The following WDR7 variants were observed in gnomAD, a reference collection of about 807,000 sequenced individuals.
WDR7 encodes the protein WD repeat domain 7.
A neutral mutation model predicts 169.4 loss-of-function variants in WDR7; 46 were observed. That is an observed-to-expected ratio of 0.27 (90% CI 0.21 to 0.35). WDR7 has a LOEUF of 0.35. WDR7 is among the 10% of genes least tolerant of loss of function. The pLI is 1.00. For missense variants in WDR7, 1,534 were observed against 1,859.3 expected (o/e 0.83, Z 3.22); for synonymous variants, 612 against 666.8 (o/e 0.92, Z 1.27).
intron 26 of WDR7, among the ~76,000 whole-genome samples, chr18:56,978,604 C>G (rs1169346369): frequency 6.6e-6 from 1 of 152,176 alleles, no homozygotes; most frequent in East Asian, 1.9e-4. Context: ...TTTCCTTTAT[C>G]TGATGATGTA....
intron 26 of WDR7, among the ~76,000 whole-genome samples, chr18:56,967,476 A>G (rs1216693077): frequency 1.3e-5 from 2 of 152,128 alleles, no homozygotes; most frequent in Non-Finnish European, 2.9e-5. Flanking sequence ...CTTGCTAAGC[A>G]GATGAATTAG....
rs533264881 is a variant in WDR7 at position 56,949,094 on chromosome 18, G to A, written c.4064+9701G>A. Among the ~76,000 whole-genome samples, 102 of 151,612 alleles carry A rather than the reference G, an allele frequency of 6.7e-4. 1 individual carries two copies. Among genetic ancestry groups the A allele is most frequent in the African/African-American group, 2.4e-3 (97 of 41,232 alleles). ...ACCTCTCCCACTCTCTTCATCTACT[G>A]GAATCTGATTTTTGCCCCCACTGGT... is the stretch of plus-strand genomic sequence containing the variant. On this transcript the variant is annotated intron_variant, in intron 25 of 27. Coordinates refer to ENST00000254442, the MANE Select transcript of WDR7 (RefSeq NM_015285.3).
At chr18:56,995,556 C>T (rs1268231820) in intron 26 of WDR7, among the ~76,000 whole-genome samples, 1 of 152,104 alleles carries the variant, frequency 6.6e-6, no homozygotes, top group Non-Finnish European at 1.5e-5. Context: ...TTCATAATCG[C>T]CTATTTTTGA....
At chr18:56,806,732 A>G (rs888371090) in intron 19 of WDR7, among the ~76,000 whole-genome samples, 1 of 152,168 alleles carries the variant, frequency 6.6e-6, no homozygotes, top group Non-Finnish European at 1.5e-5. Flanking sequence ...TTTGGAAGCT[A>G]AGGGTATGTC....
chr18:56,851,772 A>C (rs1276465871), intron 20 of WDR7, among the ~76,000 whole-genome samples: 4 of 152,206 alleles, frequency 2.6e-5, no homozygotes, highest in Admixed American at 2.0e-4. Context: ...AAGAATCACC[A>C]ATGTGGTCTT....
At chr18:56,823,579 C>T (rs1039418454) in intron 20 of WDR7, among the ~76,000 whole-genome samples, 5 of 152,128 alleles carry the variant, frequency 3.3e-5, no homozygotes, top group African/African-American at 4.8e-5. Context: ...GAGCAAGACT[C>T]CGTCTCTCAA....
rs1268304603 is a variant in WDR7, at chr18:56,757,071, G to A, written c.2478G>A (p.Met826Ile). Reference protein sequence around the residue: ...LDEVCLDRLGMLKPHCTVSFG... With the variant: ...LDEVCLDRLGILKPHCTVSFG... The stretch of plus-strand genomic sequence containing the variant: ...AAGTTTGCCTGGATCGCCTTGGAAT[G>A]CTGAAACCCCACTGCACCGTATCGT... The change falls in exon 15 of 28, where the codon ATG becomes ATA. Residue 826 changes from methionine to isoleucine, a missense_variant. Met to Ile is a conservative substitution (Grantham distance 10). Transcript: ENST00000254442. 3.7e-6 allele frequency: 6 copies of A among 1,614,170 alleles called. No individual in the cohort carries two copies. In the East Asian group the frequency reaches 1.1e-4, roughly 30 times the overall value.
rs1338392239 is a variant in WDR7 at position 56,935,910 on chromosome 18, G to A, written c.3831+5G>A. The A allele has an allele frequency of 1.2e-6, 2 of 1,611,220 alleles. No homozygotes were observed. The highest frequency in any genetic ancestry group is 1.7e-6 in the Non-Finnish European group (2 of 1,178,316). On this transcript the variant is annotated splice_donor_5th_base_variant and intron_variant, in intron 23 of 27. Coordinates refer to ENST00000254442, the MANE Select transcript of WDR7 (RefSeq NM_015285.3). The stretch of plus-strand genomic sequence containing the variant: ...ATCACCACCATAGCCAAAGAGGTGA[G>A]CGGAACTTCTCAGTGTGCTCCATCT...
chr18:56,797,041 C>A (rs2044596726), intron 19 of WDR7, among the ~76,000 whole-genome samples: 3 of 152,176 alleles, frequency 2.0e-5, no homozygotes, highest in Admixed American at 6.5e-5. Flanking sequence ...TTCTTTCCCT[C>A]CCTGAGGCAC....
intron 20 of WDR7, among the ~76,000 whole-genome samples, chr18:56,855,458 TCTTC>T (rs1409812259): frequency 4.6e-5 from 7 of 152,194 alleles, no homozygotes; most frequent in African/African-American, 1.4e-4. Context: ...CTTAAGAAAT[TCTTC>T]CTTATGCCAT....
chr18:56,924,234 CA>C, intron 22 of WDR7, 126 bp downstream of exon 22: 1 of 1,099,656 alleles, frequency 9.1e-7, no homozygotes, highest in Non-Finnish European at 1.3e-6. Context: ...ACAAATGTTT[CA>C]ATATGTGAAG....
intron 19 of WDR7, among the ~76,000 whole-genome samples, chr18:56,801,289 G>C (rs570911434): frequency 6.6e-6 from 1 of 152,088 alleles, no homozygotes; most frequent in East Asian, 1.9e-4. Context: ...AGTTATTTTT[G>C]TCTTTAGCTT....
intron 25 of WDR7, 56 bp downstream of exon 25, chr18:56,939,449 T>A (rs548318126): frequency 1.0e-4 from 139 of 1,396,066 alleles, no homozygotes; most frequent in South Asian, 4.8e-4. Flanking sequence ...CAAATAATTT[T>A]AAAAATTTTT....
chr18:56,680,963 G>A (rs1035818210), intron 3 of WDR7, among the ~76,000 whole-genome samples: 4 of 152,172 alleles, frequency 2.6e-5, no homozygotes, highest in South Asian at 2.1e-4. Context: ...GAGTGAGGGA[G>A]CAACCTCTGT....
At chr18:56,930,535 T>G (rs563512421) in intron 22 of WDR7, among the ~76,000 whole-genome samples, 1 of 152,328 alleles carries the variant, frequency 6.6e-6, no homozygotes, top group South Asian at 2.1e-4. Context: ...GATACACATT[T>G]AAGGGAGGAA....
At chr18:56,807,056 T>C (rs1328920295) in intron 19 of WDR7, among the ~76,000 whole-genome samples, 1 of 147,836 alleles carries the variant, frequency 6.8e-6, no homozygotes, top group African/African-American at 2.5e-5. Context: ...CTTGCTGTTA[T>C]AAATAACAAC....
In WDR7 at chr18:56,976,242, T is replaced by C. The variant is rs554230819; in HGVS notation, c.4164+13713T>C. On this transcript the variant is annotated intron_variant, in intron 26 of 27. Coordinates refer to ENST00000254442, the MANE Select transcript of WDR7 (RefSeq NM_015285.3). ...CTTAAAATACAGCATGTTAAATATA[T>C]ACATTAAGTAAAAATAGAAATTGAT... 2.1e-3 allele frequency among the ~76,000 whole-genome samples: 316 copies of C among 152,228 alleles called. 1 individual carries two copies. The highest frequency in any genetic ancestry group is 2.3e-3 in the Non-Finnish European group (157 of 68,024).
At chr18:56,797,546 G>A (rs1271770913) in intron 19 of WDR7, among the ~76,000 whole-genome samples, 2 of 149,818 alleles carry the variant, frequency 1.3e-5, no homozygotes, top group Admixed American at 1.3e-4. Context: ...TATAAAACAG[G>A]TATAAATAGG....
chr18:56,716,194 C>A (rs1568154561), intron 12 of WDR7, among the ~76,000 whole-genome samples: 1 of 152,188 alleles, frequency 6.6e-6, no homozygotes, highest in East Asian at 1.9e-4. Flanking sequence ...TATTTAATGT[C>A]TTTTGCTAAG....
Sources: allele counts gnomAD v4.1 joint callset (sites outside exome capture counted in the v4.1 genomes callset), GRCh38; gene constraint gnomAD v4.1.1; transcripts MANE v1.5; gene names NCBI Gene and HGNC (gene_info 2026-07-23, HGNC 2026-07-21).